TOP1: variants seen among roughly 807,000 people sequenced by gnomAD.
TOP1 encodes DNA topoisomerase 1.
A neutral mutation model predicts 111.1 loss-of-function variants in TOP1; 10 were observed. That is an observed-to-expected ratio of 0.09 (90% CI 0.06 to 0.15). TOP1 has a LOEUF of 0.15. Ranked by LOEUF, TOP1 falls within the 10% of genes least tolerant of loss-of-function variation. TOP1 has a pLI of 1.00. For synonymous variants in TOP1, 271 were observed against 302.9 expected (o/e 0.89, Z 1.10); for missense variants, 474 against 926.7 (o/e 0.51, Z 6.34).
Position 41,109,608 on chromosome 20 carries a change from A to G in TOP1, c.1309-3174A>G, listed in dbSNP as rs1429681650. 2.0e-5 allele frequency among the ~76,000 whole-genome samples: 3 copies of G among 152,356 alleles called. No homozygotes were observed. The highest frequency in any genetic ancestry group is 4.1e-4 in the South Asian group (2 of 4,834). ...ATACAAAGAATTCCTGTAGCTCCAT[A>G]ATAAAAAAACAGACATCCCATCCGC... On this transcript the variant is annotated intron_variant, in intron 13 of 20. Coordinates refer to ENST00000361337, the MANE Select transcript of TOP1 (RefSeq NM_003286.4). This position sits in a 1 kb window ranked among gnomAD's most constrained non-coding sequence, Gnocchi z 4.1.
At position 41,118,395 on chromosome 20, in the gene TOP1, C is replaced by T; in HGVS notation, c.1950+99C>T. The stretch of plus-strand genomic sequence containing the variant: ...AGATATCAGCAGGCCAGTGCTGGGT[C>T]TGTTGTAGAAGGTCTATGCTAAAGA... On this transcript the variant is annotated intron_variant, in intron 18 of 20. Coordinates refer to ENST00000361337, the MANE Select transcript of TOP1 (RefSeq NM_003286.4). This position sits in a 1 kb window ranked among gnomAD's most constrained non-coding sequence, Gnocchi z 4.6. The T allele has an allele frequency of 7.0e-7, 1 of 1,428,718 alleles. No individual in the cohort carries two copies. The allele number at this position is 1,428,718 out of a possible 1,614,324, so 88.5% of individuals were successfully genotyped here.
intron 8 of TOP1, among the ~76,000 whole-genome samples, chr20:41,087,733 C>T (rs2033865194): frequency 6.6e-6 from 1 of 152,160 alleles, no homozygotes; most frequent in African/African-American, 2.4e-5. Flanking sequence ...AGTTTTATAG[C>T]ATACTGTGAA....
At chr20:41,070,259 G>C (rs897050702) in intron 3 of TOP1, among the ~76,000 whole-genome samples, 1 of 152,212 alleles carries the variant, frequency 6.6e-6, no homozygotes, top group African/African-American at 2.4e-5. Context: ...AGGAATGGGA[G>C]TTAGAATGGG....
In TOP1 at chr20:41,073,424, C is replaced by T. The variant is rs1004252285; in HGVS notation, c.156-2747C>T. ...AAAGAAAAGAAAAGAAACAAGCAAC[C>T]CCAAAGGTTTTTATCCTTTCAGGTA... On this transcript the variant is annotated intron_variant, in intron 3 of 20. Transcript: ENST00000361337. 11 of 984,518 alleles carry T rather than the reference C, an allele frequency of 1.1e-5. No individual in the cohort carries two copies. In the Admixed American group the frequency reaches 1.9e-4, roughly 17 times the overall value. The allele number at this position is 984,518 out of a possible 1,614,324, so 61.0% of individuals were successfully genotyped here.
chr20:41,113,927 G>T, intron 14 of TOP1, 43 bp from the exon 15 acceptor site: 126 of 1,133,730 alleles, frequency 1.1e-4, no homozygotes, highest in Non-Finnish European at 1.4e-4. Flanking sequence ...TAAGGATCAT[G>T]TCTCTTCCAT....
rs538377466 is a variant in TOP1, at chr20:41,050,764, C to G, written c.59-10630C>G. On this transcript the variant is annotated intron_variant, in intron 2 of 20. Coordinates refer to ENST00000361337, the MANE Select transcript of TOP1 (RefSeq NM_003286.4). Reference sequence around the variant, plus strand: ...ATTAAGTTCCTGGGAGATTCACACACCCCTGATATTTACTGCACTCCTGGA... The same window carrying G: ...ATTAAGTTCCTGGGAGATTCACACAGCCCTGATATTTACTGCACTCCTGGA... 2.0e-5 allele frequency among the ~76,000 whole-genome samples: 3 copies of G among 152,188 alleles called. No individual in the cohort carries two copies. In the South Asian group the frequency reaches 6.2e-4, roughly 31 times the overall value.
intron 2 of TOP1, among the ~76,000 whole-genome samples, chr20:41,036,180 C>T (rs1359065581): frequency 6.6e-6 from 1 of 152,140 alleles, no homozygotes; most frequent in Non-Finnish European, 1.5e-5. Context: ...AACATGCTGC[C>T]TTGGTCCAGA....
intron 2 of TOP1, among the ~76,000 whole-genome samples, chr20:41,049,611 A>G (rs1428952998): frequency 6.6e-6 from 1 of 152,112 alleles, no homozygotes. Flanking sequence ...TCCCTTTTCA[A>G]AGTTACTCAG....
rs145122783 is a variant in TOP1 at position 41,057,593 on chromosome 20, G to GA, written c.59-3797dup. On this transcript the variant is annotated intron_variant, in intron 2 of 20. Coordinates refer to ENST00000361337, the MANE Select transcript of TOP1 (RefSeq NM_003286.4). ...ATAAAAGTAATTGTGGGGAAAACTA[G>GA]AAAACAAGATGAAGTATATGCACAA... is the stretch of plus-strand genomic sequence containing the variant. 4.6e-3 allele frequency among the ~76,000 whole-genome samples: 706 copies of GA among 152,230 alleles called. 8 individuals carry two copies. The highest frequency in any genetic ancestry group is 0.015 in the African/African-American group (643 of 41,536).
At chr20:41,084,230 G>GT (rs1293097023) in intron 7 of TOP1, among the ~76,000 whole-genome samples, 3 of 152,064 alleles carry the variant, frequency 2.0e-5, no homozygotes, top group Non-Finnish European at 4.4e-5. Context: ...CCTGCAGAGT[G>GT]TTTTTTAACT....
intron 2 of TOP1, among the ~76,000 whole-genome samples, chr20:41,043,644 T>TA (rs1216756409): frequency 2.0e-5 from 3 of 152,140 alleles, no homozygotes; most frequent in African/African-American, 4.8e-5. Context: ...TCAGCACACT[T>TA]AAAGTCTTTA....
chr20:41,044,627 TC>T (rs1196517299), intron 2 of TOP1, among the ~76,000 whole-genome samples: 2 of 152,174 alleles, frequency 1.3e-5, no homozygotes, highest in East Asian at 3.9e-4. Flanking sequence ...TAGGGAAAAG[TC>T]CTTGACTGGG....
intron 2 of TOP1, among the ~76,000 whole-genome samples, chr20:41,059,409 A>AAAATAAATAAATAAATAAAT (rs55866021): frequency 1.0e-4 from 14 of 138,042 alleles, no homozygotes; most frequent in Non-Finnish European, 1.6e-4. Flanking sequence ...AAACTGCTAG[A>AAAATAAATAAATAAATAAAT]AAATAAATAA....
intron 2 of TOP1, among the ~76,000 whole-genome samples, chr20:41,051,957 A>G (rs1024724183): frequency 6.6e-6 from 1 of 152,190 alleles, no homozygotes; most frequent in Non-Finnish European, 1.5e-5. Flanking sequence ...ATTAGCCAGG[A>G]ATTCTGTTAC....
At chr20:41,045,766 A>G (rs1306002993) in intron 2 of TOP1, among the ~76,000 whole-genome samples, 3 of 152,242 alleles carry the variant, frequency 2.0e-5, no homozygotes, top group African/African-American at 4.8e-5. Flanking sequence ...GTGGTAGAGA[A>G]TCAAAGATTG....
Position 41,122,243 on chromosome 20 carries a change from T to G in TOP1, c.2195+88T>G. 7.3e-7 allele frequency: 1 copy of G among 1,375,758 alleles called. No homozygotes were observed. The allele number at this position is 1,375,758 out of a possible 1,614,324, so 85.2% of individuals were successfully genotyped here. On this transcript the variant is annotated intron_variant, in intron 20 of 20. Coordinates refer to ENST00000361337, the MANE Select transcript of TOP1 (RefSeq NM_003286.4). The surrounding 1 kb of genome is among the most constrained non-coding windows in gnomAD (Gnocchi z 5.4). ...GAGCACTGGTGGCCTTCACATGCCATTCCTAAGCTACACACTTTAGTCCTC... is the reference window on the plus strand; with the variant it reads ...GAGCACTGGTGGCCTTCACATGCCAGTCCTAAGCTACACACTTTAGTCCTC...
rs111977522 is a variant in TOP1 at position 41,068,903 on chromosome 20, G to A, written c.156-7268G>A. Among the ~76,000 whole-genome samples, 494 of 152,266 alleles carry A rather than the reference G, an allele frequency of 3.2e-3. 1 individual carries two copies. Among genetic ancestry groups the A allele is most frequent in the Non-Finnish European group, 4.7e-3 (322 of 68,010 alleles). ...CTTGATTTTAGAAAATAAGAGAATCGTGTGAAATGAAATTCCTCCTAGTTT... is the reference window on the plus strand; with the variant it reads ...CTTGATTTTAGAAAATAAGAGAATCATGTGAAATGAAATTCCTCCTAGTTT... On this transcript the variant is annotated intron_variant, in intron 3 of 20. Coordinates refer to ENST00000361337, the MANE Select transcript of TOP1 (RefSeq NM_003286.4).
intron 2 of TOP1, among the ~76,000 whole-genome samples, chr20:41,044,853 C>T (rs917649856): frequency 6.6e-6 from 1 of 152,180 alleles, no homozygotes; most frequent in Non-Finnish European, 1.5e-5. Context: ...TGCAGTGGCG[C>T]GATCTCAGCT....
rs2033100505 is a variant in TOP1 at position 41,030,162 on chromosome 20, A to G, written c.58+707A>G. Reference sequence around the variant, plus strand: ...TGCAAAGGTAGCAGTACCTCCCTAAAGAAAGTTTGCAAGTTCTCTGTGGGT... The same window carrying G: ...TGCAAAGGTAGCAGTACCTCCCTAAGGAAAGTTTGCAAGTTCTCTGTGGGT... On this transcript the variant is annotated intron_variant, in intron 2 of 20. Coordinates refer to ENST00000361337, the MANE Select transcript of TOP1 (RefSeq NM_003286.4). This position sits in a 1 kb window ranked among gnomAD's most constrained non-coding sequence, Gnocchi z 4.1. 1.3e-5 allele frequency among the ~76,000 whole-genome samples: 2 copies of G among 152,174 alleles called. No individual in the cohort carries two copies. The highest frequency in any genetic ancestry group is 4.1e-4 in the South Asian group (2 of 4,830).
Sources: allele counts gnomAD v4.1 joint callset (sites outside exome capture counted in the v4.1 genomes callset), GRCh38; gene constraint gnomAD v4.1.1; non-coding constraint Gnocchi (gnomAD v3.1); transcripts MANE v1.5; gene names NCBI Gene and HGNC (gene_info 2026-07-23, HGNC 2026-07-21).